Variants in PDGFC observed in about 807,000 individuals in gnomAD.
PDGFC encodes the protein platelet derived growth factor C.
Under a neutral mutation model 35.5 loss-of-function variants are expected in PDGFC, and 12 were observed. The ratio of observed to expected loss-of-function variants is 0.34; its 90% CI spans 0.22 to 0.55. The LOEUF (loss-of-function observed/expected upper bound fraction) is 0.55, where lower values mean the gene tolerates loss of function less well. Ranked by LOEUF, PDGFC falls within the 20% of genes least tolerant of loss-of-function variation. The probability of loss-of-function intolerance (pLI) is 0.91; values close to 1 mark genes in which losing one functional copy is unlikely to be tolerated. For synonymous variants in PDGFC, 159 were observed against 148.8 expected, an observed-to-expected ratio of 1.07 and a Z score of -0.50; for missense variants, 322 against 412.4, an observed-to-expected ratio of 0.78 and a Z score of 1.90.
chr4:156,891,971 A>T (rs1171110061), intron 1 of PDGFC, among the ~76,000 whole-genome samples: 1 of 152,206 alleles, frequency 6.6e-6, no homozygotes, highest in East Asian at 1.9e-4. Flanking sequence ...GATAACAATG[A>T]ATACAGTATT....
At chr4:156,769,657 ATT>A (rs1307234278) in intron 4 of PDGFC, among the ~76,000 whole-genome samples, 1 of 151,988 alleles carries the variant, frequency 6.6e-6, no homozygotes, top group Non-Finnish European at 1.5e-5. Flanking sequence ...GCTTTTAAAT[ATT>A]TAAAGCAAAT....
intron 1 of PDGFC, among the ~76,000 whole-genome samples, chr4:156,949,445 C>G (rs1277169380): frequency 1.3e-5 from 2 of 151,756 alleles, no homozygotes; most frequent in African/African-American, 4.8e-5. Context: ...CTCTCTTTCT[C>G]TCTCGCTCTT....
At chr4:156,781,870 C>T (rs1416880747) in intron 3 of PDGFC, among the ~76,000 whole-genome samples, 4 of 152,088 alleles carry the variant, frequency 2.6e-5, no homozygotes, top group Non-Finnish European at 1.5e-5. Flanking sequence ...CAGCACTATA[C>T]ATATTTAGGG....
intron 1 of PDGFC, among the ~76,000 whole-genome samples, chr4:156,945,231 T>A (rs1166552920): frequency 6.6e-6 from 1 of 151,024 alleles, no homozygotes; most frequent in Admixed American, 6.6e-5. Context: ...AGTATCTTGC[T>A]GCATATGTCA....
intron 3 of PDGFC, among the ~76,000 whole-genome samples, chr4:156,805,603 G>T (rs532491922): frequency 6.6e-6 from 1 of 151,912 alleles, no homozygotes; most frequent in South Asian, 2.1e-4. Context: ...TTTTTTCCTA[G>T]GAAAGAAAGT....
intron 1 of PDGFC, among the ~76,000 whole-genome samples, chr4:156,923,339 T>G (rs1731332846): frequency 6.6e-6 from 1 of 152,224 alleles, no homozygotes; most frequent in Non-Finnish European, 1.5e-5. Flanking sequence ...ATCGTTCACA[T>G]CTCCAGCCTT....
chr4:156,894,200 T>G (rs1302312175), intron 1 of PDGFC, among the ~76,000 whole-genome samples: 1 of 152,206 alleles, frequency 6.6e-6, no homozygotes, highest in Non-Finnish European at 1.5e-5. Context: ...GAGTTTTGAT[T>G]AACTATATTT....
Position 156,796,592 on chromosome 4 carries a change from C to T in PDGFC, c.495+14245G>A, listed in dbSNP as rs557250207. On this transcript the variant is annotated intron_variant, in intron 3 of 5. Coordinates refer to ENST00000502773, the MANE Select transcript of PDGFC (RefSeq NM_016205.3). Reference sequence around the variant, plus strand: ...TTTTCAAGCAATATTGGTTGGGAGGCATTGTGCTGTAGTTGAAATTATGGA... The same window carrying T: ...TTTTCAAGCAATATTGGTTGGGAGGTATTGTGCTGTAGTTGAAATTATGGA... 2.5e-4 allele frequency among the ~76,000 whole-genome samples: 36 copies of T among 146,718 alleles called. 1 individual carries two copies. The South Asian group carries it at 7.3e-3, about 30-fold the overall frequency.
At position 156,970,827 on chromosome 4, in the gene PDGFC, A is replaced by G; in HGVS notation, c.77T>C (p.Leu26Pro). The change falls in exon 1 of 6, where the codon CTG (leucine) becomes CCG (proline). Residue 26 changes from leucine to proline, a missense_variant. Transcript: ENST00000502773. ...QRQGTQAESN[L>P]SSKFQFSSNK... ...GCTGGAAAACTGGAATTTACTACTC[A>G]GGTTGGATTCCGCCTGAGTCCCCTG... 6.2e-7 allele frequency: 1 copy of G among 1,613,670 alleles called. No individual in the cohort carries two copies. The highest frequency in any genetic ancestry group is 8.5e-7 in the Non-Finnish European group (1 of 1,179,638).
At chr4:156,803,483 A>G (rs2110921938) in intron 3 of PDGFC, among the ~76,000 whole-genome samples, 1 of 152,212 alleles carries the variant, frequency 6.6e-6, no homozygotes, top group South Asian at 2.1e-4. Flanking sequence ...ACAGAAAGTG[A>G]AAGATGGCTT....
intron 1 of PDGFC, among the ~76,000 whole-genome samples, chr4:156,906,190 C>T (rs1730911833): frequency 6.6e-6 from 1 of 151,890 alleles, no homozygotes; most frequent in Admixed American, 6.6e-5. Flanking sequence ...TTCGGTGTAC[C>T]CAAACAATTA....
Position 156,960,256 on chromosome 4 carries a change from A to ATATATATATATATATATATG in PDGFC, c.118+10529_118+10530insCATATATATATATATATATA, listed in dbSNP as rs1181232846. 9.4e-3 allele frequency among the ~76,000 whole-genome samples: 1,382 copies of ATATATATATATATATATATG among 146,968 alleles called. 27 individuals are homozygous for ATATATATATATATATATATG. Among genetic ancestry groups the ATATATATATATATATATATG allele is most frequent in the African/African-American group, 0.032 (1,279 of 40,244 alleles). On this transcript the variant is annotated intron_variant, in intron 1 of 5. Transcript: ENST00000502773. ...CATTTGATATATATATAACTGTTAT[A>ATATATATATATATATATATG]TATATATATATATATATAAAACTAT...
chr4:156,868,264 G>A (rs980348406), intron 1 of PDGFC, among the ~76,000 whole-genome samples: 7 of 152,132 alleles, frequency 4.6e-5, no homozygotes, highest in African/African-American at 4.8e-5. Flanking sequence ...AAATAAAGGC[G>A]AGCATTTTGA....
intron 1 of PDGFC, among the ~76,000 whole-genome samples, chr4:156,949,634 G>A (rs548179357): frequency 1.3e-5 from 2 of 151,978 alleles, no homozygotes; most frequent in African/African-American, 2.4e-5. Flanking sequence ...GGGGAGGACT[G>A]GTAGTTTGAA....
At chr4:156,954,873 G>C (rs1034540757) in intron 1 of PDGFC, among the ~76,000 whole-genome samples, 2 of 152,046 alleles carry the variant, frequency 1.3e-5, no homozygotes, top group Admixed American at 1.3e-4. Flanking sequence ...GACTGCAGCA[G>C]AACAAGCTGT....
Position 156,933,983 on chromosome 4 carries a change from A to G in PDGFC, c.118+36803T>C, listed in dbSNP as rs1326474113. 2.0e-5 allele frequency among the ~76,000 whole-genome samples: 3 copies of G among 152,202 alleles called. No individual in the cohort carries two copies. The East Asian group carries it at 5.8e-4, about 29-fold the overall frequency. ...TACCCAGTCTCAGGTAGTTCTTTAT[A>G]TTAACAGCAGTGTGAAAATGAACTA... is the stretch of plus-strand genomic sequence containing the variant. On this transcript the variant is annotated intron_variant, in intron 1 of 5. Coordinates refer to ENST00000502773, the MANE Select transcript of PDGFC (RefSeq NM_016205.3).
At chr4:156,858,553 A>G (rs1729636896) in intron 1 of PDGFC, among the ~76,000 whole-genome samples, 1 of 152,110 alleles carries the variant, frequency 6.6e-6, no homozygotes, top group Non-Finnish European at 1.5e-5. Context: ...GACCAAAACC[A>G]GAATGTGGAA....
At chr4:156,957,278 C>T (rs1196559556) in intron 1 of PDGFC, among the ~76,000 whole-genome samples, 2 of 151,982 alleles carry the variant, frequency 1.3e-5, no homozygotes, top group Admixed American at 6.6e-5. Context: ...TGTTTCCTTC[C>T]ATCCTGGAAC....
At chr4:156,940,215 C>G (rs2110904365) in intron 1 of PDGFC, among the ~76,000 whole-genome samples, 1 of 152,172 alleles carries the variant, frequency 6.6e-6, no homozygotes. Flanking sequence ...GCCTTTCCTT[C>G]CTGGGTACTT....
Sources: gnomAD v4.1 joint callset for allele counts (sites outside exome capture counted in the v4.1 genomes callset) on GRCh38, gnomAD v4.1.1 for gene constraint, MANE v1.5 for transcripts, NCBI Gene and HGNC (gene_info 2026-07-23, HGNC 2026-07-21) for gene names.